Variants in LRP1B observed in about 807,000 individuals in gnomAD.
LRP1B encodes LDL receptor related protein 1B.
A neutral mutation model predicts 556.6 loss-of-function variants in LRP1B; 217 were observed. The observed-to-expected ratio is 0.39, with a 90% CI of 0.35 to 0.44. The LOEUF (loss-of-function observed/expected upper bound fraction) is 0.44, where lower values mean the gene tolerates loss of function less well. LRP1B is among the 20% of genes least tolerant of loss of function. The pLI, the probability that LRP1B is intolerant of heterozygous loss-of-function variation, is 1.00. For synonymous variants in LRP1B, 2,047 were observed against 1,865.8 expected (o/e 1.10, Z -2.50); for missense variants, 5,053 against 5,620.8 (o/e 0.90, Z 3.23).
intron 7 of LRP1B, among the ~76,000 whole-genome samples, chr2:141,170,442 G>A (rs1558908383): frequency 1.3e-5 from 2 of 151,916 alleles, no homozygotes. Context: ...AAAAGTGCAG[G>A]CAAATAAATC....
chr2:141,564,215 A>G (rs1686256405), intron 2 of LRP1B, among the ~76,000 whole-genome samples: 1 of 152,116 alleles, frequency 6.6e-6, no homozygotes, highest in African/African-American at 2.4e-5. Context: ...AATGTGGACT[A>G]TAAGAGAGAT....
chr2:140,310,739 A>C (rs1211879520), intron 83 of LRP1B, among the ~76,000 whole-genome samples: 1 of 151,854 alleles, frequency 6.6e-6, no homozygotes, highest in African/African-American at 2.4e-5. Flanking sequence ...CCATATACAA[A>C]AACAAACTCA....
At position 140,718,855 on chromosome 2, in the gene LRP1B, AT is replaced by A. The variant is rs11395192; in HGVS notation, c.5759-2040del. ...TTCTTCAGTACAAGAGTCTTCACAT[AT>A]TTTTTTTTCTTTTTGTCTTGAACGT... On this transcript the variant is annotated intron_variant, in intron 35 of 90. Coordinates refer to ENST00000389484, the MANE Select transcript of LRP1B (RefSeq NM_018557.3). Among the ~76,000 whole-genome samples, 1,022 of 151,032 alleles carry A rather than the reference AT, an allele frequency of 6.8e-3. 7 individuals are homozygous for A. Among genetic ancestry groups the A allele is most frequent in the African/African-American group, 0.023 (966 of 41,162 alleles).
rs942931824 is a variant in LRP1B at position 141,942,533 on chromosome 2, A to G, written c.83-132132T>C. On this transcript the variant is annotated intron_variant, in intron 1 of 90. Transcript: ENST00000389484. ...AAAAAAAACAAAAAACAAACCAACC[A>G]AAACAAAACCATACCCTGGTGCCTG... Among the ~76,000 whole-genome samples the G allele has an allele frequency of 4.6e-5, 7 of 152,296 alleles. No homozygotes were observed. In the East Asian group the frequency reaches 7.7e-4, roughly 17 times the overall value.
intron 58 of LRP1B, among the ~76,000 whole-genome samples, chr2:140,486,682 C>A (rs1688486788): frequency 2.0e-5 from 3 of 151,656 alleles, no homozygotes; most frequent in Non-Finnish European, 4.4e-5. Flanking sequence ...AGTTTTTAAA[C>A]TAATTGGAAA....
chr2:141,672,664 C>T (rs927523463), intron 2 of LRP1B, among the ~76,000 whole-genome samples: 2 of 152,114 alleles, frequency 1.3e-5, no homozygotes, highest in African/African-American at 4.8e-5. Context: ...GAAGCTTAAC[C>T]TGTGGAATGA....
At chr2:140,742,053 G>C (rs1688160497) in intron 35 of LRP1B, among the ~76,000 whole-genome samples, 2 of 152,112 alleles carry the variant, frequency 1.3e-5, no homozygotes, top group Admixed American at 6.6e-5. Context: ...ACATAAATTT[G>C]ATCAATGGCT....
At chr2:141,144,447 C>T (rs1255026202) in intron 7 of LRP1B, among the ~76,000 whole-genome samples, 1 of 152,232 alleles carries the variant, frequency 6.6e-6, no homozygotes, top group African/African-American at 2.4e-5. Context: ...CACTTTCTAT[C>T]CTTAAGAAAA....
intron 27 of LRP1B, among the ~76,000 whole-genome samples, chr2:140,861,741 A>T (rs1224650918): frequency 2.0e-5 from 3 of 152,180 alleles, no homozygotes; most frequent in East Asian, 3.9e-4. Flanking sequence ...AAACAAACCC[A>T]CTGAAATTGC....
intron 51 of LRP1B, among the ~76,000 whole-genome samples, chr2:140,513,994 T>C (rs1689774893): frequency 6.6e-6 from 1 of 151,986 alleles, no homozygotes; most frequent in Admixed American, 6.6e-5. Context: ...GTTTCCTTCT[T>C]TTACCCCTTA....
chr2:142,082,259 T>C (rs988082557), intron 1 of LRP1B, among the ~76,000 whole-genome samples: 4 of 152,160 alleles, frequency 2.6e-5, no homozygotes, highest in African/African-American at 7.2e-5. Flanking sequence ...ATGTGATACA[T>C]TTTCTCACAT....
At chr2:140,468,415 CTAT>C (rs1687634684) in intron 60 of LRP1B, among the ~76,000 whole-genome samples, 1 of 150,982 alleles carries the variant, frequency 6.6e-6, no homozygotes, top group African/African-American at 2.5e-5. Flanking sequence ...TAGAGAGCTC[CTAT>C]TATTAGGGCA....
chr2:140,804,084 C>G lies in LRP1B; in HGVS notation c.5359+9573G>C, dbSNP rs535478403. Among the ~76,000 whole-genome samples, 185 of 151,424 alleles carry G rather than the reference C, an allele frequency of 1.2e-3. 1 individual carries two copies. Among genetic ancestry groups the G allele is most frequent in the African/African-American group, 4.3e-3 (178 of 41,300 alleles). On this transcript the variant is annotated intron_variant, in intron 32 of 90. Transcript: ENST00000389484. Reference sequence around the variant, plus strand: ...TTAGTAAGCTTTGAAAAAAAAAAATCTGCACTTGACAACATGTAAAGCGGA... The same window carrying G: ...TTAGTAAGCTTTGAAAAAAAAAAATGTGCACTTGACAACATGTAAAGCGGA...
chr2:141,780,270 T>G (rs887117909), intron 2 of LRP1B, among the ~76,000 whole-genome samples: 2 of 151,996 alleles, frequency 1.3e-5, no homozygotes, highest in Non-Finnish European at 1.5e-5. Flanking sequence ...TTCAGAGATG[T>G]TAAAAAGTAG....
At chr2:141,436,664 C>T (rs993463982) in intron 3 of LRP1B, among the ~76,000 whole-genome samples, 1 of 151,776 alleles carries the variant, frequency 6.6e-6, no homozygotes, top group Non-Finnish European at 1.5e-5. Flanking sequence ...TATTATTTTC[C>T]TTGGATTCTG....
intron 2 of LRP1B, among the ~76,000 whole-genome samples, chr2:141,688,324 A>G (rs1296606152): frequency 6.6e-6 from 1 of 151,900 alleles, no homozygotes; most frequent in Admixed American, 6.6e-5. Context: ...TATATGCCAA[A>G]CACTGGTCTA....
chr2:140,625,996 C>T, intron 41 of LRP1B, among the ~76,000 whole-genome samples: 1 of 152,118 alleles, frequency 6.6e-6, no homozygotes. Context: ...TAGGTAAATG[C>T]ATAAATAAAT....
intron 3 of LRP1B, among the ~76,000 whole-genome samples, chr2:141,323,816 A>C (rs968253003): frequency 3.3e-5 from 5 of 151,916 alleles, no homozygotes; most frequent in African/African-American, 1.2e-4. Flanking sequence ...ACTCAGCTTA[A>C]AAGTGAAAAA....
intron 20 of LRP1B, among the ~76,000 whole-genome samples, chr2:140,949,120 CTAAA>C (rs1317364272): frequency 6.6e-6 from 1 of 152,182 alleles, no homozygotes; most frequent in African/African-American, 2.4e-5. Flanking sequence ...CCCCTCCACA[CTAAA>C]TAAATTACTT....
Sources: gnomAD v4.1 joint callset for allele counts (sites outside exome capture counted in the v4.1 genomes callset) on GRCh38, gnomAD v4.1.1 for gene constraint, MANE v1.5 for transcripts, NCBI Gene and HGNC (gene_info 2026-07-23, HGNC 2026-07-21) for gene names.